The following CDH18 variants were observed in gnomAD, a reference collection of about 807,000 sequenced individuals.
The protein encoded by CDH18 is cadherin-18.
Under a neutral mutation model 67.9 loss-of-function variants are expected in CDH18, and 31 were observed. The ratio of observed to expected loss-of-function variants is 0.46; its 90% CI spans 0.34 to 0.62. The LOEUF (loss-of-function observed/expected upper bound fraction) is 0.62, where lower values mean the gene tolerates loss of function less well. Among genes scored for constraint, CDH18 ranks in the 20% least tolerant of loss-of-function variants. The probability of loss-of-function intolerance (pLI) is 0.01; values close to 1 mark genes in which losing one functional copy is unlikely to be tolerated. For missense variants in CDH18, 890 were observed against 975.5 expected (o/e 0.91, Z 1.17); for synonymous variants, 362 against 347.2 (o/e 1.04, Z -0.48).
rs527781909 is a variant in CDH18, at chr5:20,416,521, C to T, written c.-580+158941G>A. Among the ~76,000 whole-genome samples, 19 of 152,160 alleles carry T rather than the reference C, an allele frequency of 1.2e-4. No individual in the cohort carries two copies. The East Asian group carries it at 3.5e-3, about 28-fold the overall frequency. On this transcript the variant is annotated intron_variant, in intron 1 of 14. Coordinates refer to the CDH18 transcript ENST00000507958. The stretch of plus-strand genomic sequence containing the variant: ...TTCTATATTCAGAAAGGTGATACCA[C>T]TTATGGAAATCAGTCTGAGAATGAA...
At chr5:19,849,997 A>C (rs1352019083) in intron 2 of CDH18, among the ~76,000 whole-genome samples, 1 of 151,734 alleles carries the variant, frequency 6.6e-6, no homozygotes, top group African/African-American at 2.4e-5. Flanking sequence ...ACAGGATTTA[A>C]ATTGACATGG....
intron 1 of CDH18, among the ~76,000 whole-genome samples, chr5:20,340,527 G>T (rs1235367541): frequency 6.6e-6 from 1 of 152,168 alleles, no homozygotes; most frequent in Non-Finnish European, 1.5e-5. Flanking sequence ...CCTTGACGCT[G>T]TCCAGCCTGT....
intron 2 of CDH18, among the ~76,000 whole-genome samples, chr5:19,994,284 CATATATGTATACATATATACACAT>C (rs1561695048): frequency 6.6e-6 from 1 of 151,094 alleles, no homozygotes; most frequent in African/African-American, 2.4e-5. Context: ...CATATATACA[CATATATGTATACATATATACACAT>C]ATATGTATAC....
chr5:19,999,628 GTAA>G, intron 2 of CDH18, among the ~76,000 whole-genome samples: 1 of 151,904 alleles, frequency 6.6e-6, no homozygotes, highest in Non-Finnish European at 1.5e-5. Flanking sequence ...ATTAGTAATA[GTAA>G]TAATAATAAT....
intron 10 of CDH18, among the ~76,000 whole-genome samples, chr5:19,517,613 T>C (rs1561249209): frequency 6.6e-6 from 1 of 152,160 alleles, no homozygotes; most frequent in African/African-American, 2.4e-5. Flanking sequence ...TATTTTACTT[T>C]AGTGCACTGA....
chr5:20,172,190 GTATA>G lies in CDH18; in HGVS notation c.-518+83250_-518+83253del, dbSNP rs70954640. Among the ~76,000 whole-genome samples the G allele has an allele frequency of 5.8e-3, 135 of 23,330 alleles. 5 individuals carry two copies. Among genetic ancestry groups the G allele is most frequent in the Middle Eastern group, 0.05 (1 of 20 alleles). The allele number at this position is 23,330 out of a possible 152,430, so 15.3% of individuals were successfully genotyped here. On this transcript the variant is annotated intron_variant, in intron 2 of 14. Transcript: ENST00000507958. The stretch of plus-strand genomic sequence containing the variant: ...AACTTTGATATCAATAGCATTGTGT[GTATA>G]TATATATATATATATATATATATAT...
intron 2 of CDH18, among the ~76,000 whole-genome samples, chr5:19,943,431 C>A (rs889643172): frequency 3.3e-5 from 5 of 151,982 alleles, no homozygotes; most frequent in Non-Finnish European, 5.9e-5. Context: ...ATATGAATCC[C>A]AAGATAGAGC....
chr5:20,001,381 G>A (rs1476246598), intron 2 of CDH18, among the ~76,000 whole-genome samples: 2 of 151,906 alleles, frequency 1.3e-5, no homozygotes, highest in Admixed American at 6.6e-5. Context: ...AAGAGTAGGT[G>A]TTATATAATA....
intron 3 of CDH18, among the ~76,000 whole-genome samples, chr5:19,783,688 C>T (rs143191764): frequency 1.7e-4 from 26 of 152,254 alleles, no homozygotes; most frequent in African/African-American, 5.5e-4. Context: ...TTGTGTCTTT[C>T]GTTGGGGCTT....
chr5:20,235,403 T>C (rs1742395632), intron 2 of CDH18, among the ~76,000 whole-genome samples: 1 of 152,026 alleles, frequency 6.6e-6, no homozygotes, highest in Non-Finnish European at 1.5e-5. Context: ...TTATCCAGAA[T>C]ATAATGAATT....
intron 7 of CDH18, among the ~76,000 whole-genome samples, chr5:19,578,239 T>G (rs548416184): frequency 9.2e-5 from 14 of 152,238 alleles, no homozygotes; most frequent in Non-Finnish European, 1.9e-4. Flanking sequence ...GAAATTTTCT[T>G]TCTTTTCAGT....
intron 6 of CDH18, among the ~76,000 whole-genome samples, chr5:19,609,916 C>A (rs1198049707): frequency 6.6e-6 from 1 of 152,036 alleles, no homozygotes; most frequent in African/African-American, 2.4e-5. Context: ...TATATTATTT[C>A]TTTTCTCCAA....
At chr5:19,841,506 T>C (rs912858762) in intron 2 of CDH18, among the ~76,000 whole-genome samples, 1 of 151,716 alleles carries the variant, frequency 6.6e-6, no homozygotes, top group Non-Finnish European at 1.5e-5. Context: ...TAATAAATTA[T>C]TTTAATAAAT....
At chr5:20,236,290 G>A (rs1460218020) in intron 2 of CDH18, among the ~76,000 whole-genome samples, 1 of 150,420 alleles carries the variant, frequency 6.6e-6, no homozygotes. Flanking sequence ...ATAAATAAAA[G>A]CAGCTGGATA....
At chr5:19,544,177 C>T (rs1392346704) in intron 8 of CDH18, among the ~76,000 whole-genome samples, 172 bp from the exon 9 acceptor site, 1 of 151,932 alleles carries the variant, frequency 6.6e-6, no homozygotes, top group East Asian at 1.9e-4. Context: ...TTATTCTTAT[C>T]CATCAGTCTT....
chr5:19,594,741 A>G (rs1209888086), intron 6 of CDH18, among the ~76,000 whole-genome samples: 1 of 152,130 alleles, frequency 6.6e-6, no homozygotes, highest in Non-Finnish European at 1.5e-5. Flanking sequence ...CTCTCCCTGT[A>G]AAAAAATGTC....
At chr5:19,716,028 A>G (rs1202180155) in intron 5 of CDH18, among the ~76,000 whole-genome samples, 1 of 152,054 alleles carries the variant, frequency 6.6e-6, no homozygotes, top group African/African-American at 2.4e-5. Flanking sequence ...CATGTTGGCC[A>G]GGCTAGTCTT....
At chr5:20,130,176 G>A (rs1013127467) in intron 2 of CDH18, among the ~76,000 whole-genome samples, 1 of 151,420 alleles carries the variant, frequency 6.6e-6, no homozygotes, top group African/African-American at 2.4e-5. Context: ...TGTAAAACAT[G>A]AAAGGTAGTA....
intron 2 of CDH18, among the ~76,000 whole-genome samples, chr5:19,877,022 G>A (rs1402620201): frequency 6.6e-6 from 1 of 152,020 alleles, no homozygotes; most frequent in Non-Finnish European, 1.5e-5. Flanking sequence ...TTCGAAGAAG[G>A]CTGAGCCACA....
Sources: allele counts gnomAD v4.1 joint callset (sites outside exome capture counted in the v4.1 genomes callset), GRCh38; gene constraint gnomAD v4.1.1; transcripts MANE v1.5; gene names NCBI Gene and HGNC (gene_info 2026-07-23, HGNC 2026-07-21).